The following DLGAP1 variants were observed in gnomAD, a reference collection of about 807,000 sequenced individuals.
The protein encoded by DLGAP1 is DLG associated protein 1.
A neutral mutation model predicts 90.8 loss-of-function variants in DLGAP1; 11 were observed. That is an observed-to-expected ratio of 0.12 (90% CI 0.08 to 0.20). The LOEUF (loss-of-function observed/expected upper bound fraction) is 0.20. Ranked by LOEUF, DLGAP1 falls within the 10% of genes least tolerant of loss-of-function variation. The probability of loss-of-function intolerance (pLI) is 1.00; values close to 1 mark genes in which losing one functional copy is unlikely to be tolerated. For synonymous variants in DLGAP1, 558 were observed against 540.7 expected, an observed-to-expected ratio of 1.03 and a Z score of -0.44; for missense variants, 1,050 against 1,333.8, an observed-to-expected ratio of 0.79 and a Z score of 3.31.
At chr18:4,349,266 C>A (rs1598961154) in intron 1 of DLGAP1, among the ~76,000 whole-genome samples, 1 of 152,040 alleles carries the variant, frequency 6.6e-6, no homozygotes, top group Non-Finnish European at 1.5e-5. Flanking sequence ...AAACATCAGA[C>A]AAACCAGAAT....
intron 3 of DLGAP1, among the ~76,000 whole-genome samples, chr18:3,903,199 G>A (rs2071822180): frequency 6.6e-6 from 1 of 152,120 alleles, no homozygotes; most frequent in African/African-American, 2.4e-5. Flanking sequence ...CTGAGGGAAG[G>A]AAATATGGAA....
intron 5 of DLGAP1, among the ~76,000 whole-genome samples, chr18:3,797,586 G>T (rs1487808926): frequency 6.6e-6 from 1 of 152,172 alleles, no homozygotes; most frequent in East Asian, 1.9e-4. Context: ...AATAACAAAA[G>T]AAAGAAAGCT....
intron 5 of DLGAP1, among the ~76,000 whole-genome samples, chr18:3,744,397 A>G (rs1014880870): frequency 6.6e-6 from 1 of 152,220 alleles, no homozygotes; most frequent in African/African-American, 2.4e-5. Flanking sequence ...AAAGAAACGC[A>G]TCAAATTTTA....
chr18:3,518,004 G>A (rs2050949342), intron 10 of DLGAP1, among the ~76,000 whole-genome samples: 1 of 152,130 alleles, frequency 6.6e-6, no homozygotes, highest in African/African-American at 2.4e-5. Flanking sequence ...CCTTCAAGAA[G>A]TTTTCCTTTG....
intron 1 of DLGAP1, among the ~76,000 whole-genome samples, chr18:4,287,345 C>T (rs1444606324): frequency 1.3e-5 from 2 of 152,082 alleles, no homozygotes; most frequent in Non-Finnish European, 2.9e-5. Context: ...CCCAGCAATC[C>T]CATTACTGAG....
chr18:3,595,158 G>A (rs1407437269), intron 7 of DLGAP1, among the ~76,000 whole-genome samples: 1 of 152,232 alleles, frequency 6.6e-6, no homozygotes, highest in Non-Finnish European at 1.5e-5. Flanking sequence ...CAGCCACGCA[G>A]GAGGAGAGGG....
In DLGAP1 at chr18:3,589,405, C is replaced by G. The variant is rs1476057247; in HGVS notation, c.1592-7157G>C. Among the ~76,000 whole-genome samples, 5 of 152,044 alleles carry G rather than the reference C, an allele frequency of 3.3e-5. No homozygotes were observed. The East Asian group carries it at 5.8e-4, about 18-fold the overall frequency. The stretch of plus-strand genomic sequence containing the variant: ...TTTTTGTGCCTTTTTATTCATAAAC[C>G]CTTACCAGCTAAGCGAATGGATCAT... On this transcript the variant is annotated intron_variant, in intron 7 of 12. Transcript: ENST00000315677.
intron 1 of DLGAP1, among the ~76,000 whole-genome samples, chr18:4,196,883 A>G (rs183909318): frequency 1.7e-3 from 260 of 152,310 alleles, no homozygotes; most frequent in African/African-American, 5.8e-3. Context: ...AAAAATAAAA[A>G]TAAAAGAGGC....
chr18:3,794,536 G>A (rs1485887475), intron 5 of DLGAP1, among the ~76,000 whole-genome samples: 1 of 152,222 alleles, frequency 6.6e-6, no homozygotes. Context: ...AGTCAGCACT[G>A]ACCATGGGGC....
intron 1 of DLGAP1, among the ~76,000 whole-genome samples, chr18:4,165,470 G>C (rs1187753132): frequency 6.6e-6 from 1 of 151,988 alleles, no homozygotes; most frequent in African/African-American, 2.4e-5. Flanking sequence ...TTTAAAACTT[G>C]GCTAAAGGAA....
At chr18:3,647,185 C>T (rs1026155003) in intron 7 of DLGAP1, among the ~76,000 whole-genome samples, 6 of 151,552 alleles carry the variant, frequency 4.0e-5, no homozygotes, top group Non-Finnish European at 7.4e-5. Flanking sequence ...ACCTGGGAGG[C>T]GCAGGTTGGA....
intron 11 of DLGAP1, among the ~76,000 whole-genome samples, chr18:3,506,265 A>G (rs536266628): frequency 4.5e-4 from 68 of 151,628 alleles, no homozygotes; most frequent in Non-Finnish European, 8.0e-4. Flanking sequence ...TGTAATCCCA[A>G]CACTTTCGGT....
rs144338468 is a variant in DLGAP1 at position 4,426,390 on chromosome 18, A to G, written c.-267+28616T>C. ...CCAGAATGCCTTCTCTTAAATACAA[A>G]TGCTGGCGGTGACTGCTTGTGCTTT... is the stretch of plus-strand genomic sequence containing the variant. On this transcript the variant is annotated intron_variant, in intron 1 of 12. Coordinates refer to ENST00000315677, the MANE Select transcript of DLGAP1 (RefSeq NM_004746.4). Among the ~76,000 whole-genome samples the G allele has an allele frequency of 3.0e-3, 452 of 152,334 alleles. 8 individuals are homozygous for G. Among genetic ancestry groups the G allele is most frequent in the Admixed American group, 0.013 (200 of 15,308 alleles).
chr18:3,645,343 TA>T (rs1241155858), intron 7 of DLGAP1, among the ~76,000 whole-genome samples: 5 of 150,976 alleles, frequency 3.3e-5, no homozygotes, highest in Non-Finnish European at 5.9e-5. Flanking sequence ...AATATATATA[TA>T]TTTTTTTAAT....
intron 2 of DLGAP1, among the ~76,000 whole-genome samples, chr18:4,126,460 C>A (rs1176627583): frequency 1.3e-5 from 2 of 152,160 alleles, no homozygotes; most frequent in Non-Finnish European, 2.9e-5. Context: ...ACTTGCCCAG[C>A]ACATTTTTAA....
chr18:3,525,866 C>A (rs1432129247), intron 10 of DLGAP1, among the ~76,000 whole-genome samples: 1 of 152,204 alleles, frequency 6.6e-6, no homozygotes, highest in Non-Finnish European at 1.5e-5. Flanking sequence ...AACCACATCA[C>A]TTCACCTCTT....
chr18:4,161,977 T>A (rs2076853255), intron 1 of DLGAP1, among the ~76,000 whole-genome samples: 1 of 152,154 alleles, frequency 6.6e-6, no homozygotes, highest in Non-Finnish European at 1.5e-5. Context: ...CTTCATCCCA[T>A]ACAACAAAAG....
chr18:3,807,250 C>T (rs537148945), intron 5 of DLGAP1, among the ~76,000 whole-genome samples: 3 of 152,308 alleles, frequency 2.0e-5, no homozygotes, highest in South Asian at 2.1e-4. Context: ...CTGGGTACCA[C>T]TTCTCAGTTG....
At chr18:3,994,927 A>G (rs1370708284) in intron 3 of DLGAP1, among the ~76,000 whole-genome samples, 1 of 152,188 alleles carries the variant, frequency 6.6e-6, no homozygotes, top group African/African-American at 2.4e-5. Flanking sequence ...AATTCATTGC[A>G]TATTTAAAAA....
Sources: gnomAD v4.1 joint callset for allele counts (sites outside exome capture counted in the v4.1 genomes callset) on GRCh38, gnomAD v4.1.1 for gene constraint, MANE v1.5 for transcripts, NCBI Gene and HGNC (gene_info 2026-07-23, HGNC 2026-07-21) for gene names.